XRRA1: variants seen among roughly 807,000 people sequenced by gnomAD.
XRRA1 encodes the protein X-ray radiation resistance associated 1, also known as X-ray radiation resistance-associated protein 1.
A neutral mutation model predicts 80.2 loss-of-function variants in XRRA1; 69 were observed. The observed-to-expected ratio is 0.86, with a 90% CI of 0.71 to 1.05. The LOEUF is 1.05. Ranked by LOEUF, XRRA1 falls within the 50% of genes least tolerant of loss-of-function variation. The probability of loss-of-function intolerance (pLI) is 0.00; values close to 1 mark genes in which losing one functional copy is unlikely to be tolerated. For synonymous variants in XRRA1, 348 were observed against 389.9 expected (o/e 0.89, Z 1.27); for missense variants, 967 against 976.4 (o/e 0.99, Z 0.13).
chr11:74,851,806 A>G (rs2039932882), intron 13 of XRRA1, among the ~76,000 whole-genome samples, 183 bp downstream of exon 13: 1 of 152,166 alleles, frequency 6.6e-6, no homozygotes, highest in African/African-American at 2.4e-5. Context: ...ATGCCTGCTC[A>G]CAGGGTTACT....
chr11:74,878,677 C>T lies in XRRA1; in HGVS notation c.1004-15656G>A, dbSNP rs1158256214. On this transcript the variant is annotated intron_variant, in intron 10 of 18. Coordinates refer to ENST00000684022, the MANE Select transcript of XRRA1 (RefSeq NM_001378157.1). ...GAAGGGATCCAGTTTCAGCTTTCTA[C>T]ATATGGCTAGCCAGTTTTCCCAGCA... is the stretch of plus-strand genomic sequence containing the variant. 2.0e-5 allele frequency among the ~76,000 whole-genome samples: 3 copies of T among 148,782 alleles called. No homozygotes were observed. In the East Asian group the frequency reaches 6.0e-4, roughly 30 times the overall value.
At chr11:74,914,025 C>A (rs983365450) in intron 8 of XRRA1, among the ~76,000 whole-genome samples, 1 of 152,046 alleles carries the variant, frequency 6.6e-6, no homozygotes, top group African/African-American at 2.4e-5. Flanking sequence ...CACTCTGTCG[C>A]CTGGGGTTGG....
chr11:74,861,352 T>C (rs112132673), intron 11 of XRRA1, among the ~76,000 whole-genome samples: 78 of 152,346 alleles, frequency 5.1e-4, no homozygotes, highest in African/African-American at 1.9e-3. Flanking sequence ...CTCAAATTAC[T>C]GCCTGAGCTG....
intron 8 of XRRA1, chr11:74,913,661 A>C (rs572114215): frequency 1.3e-5 from 2 of 152,076 alleles, no homozygotes; most frequent in South Asian, 4.2e-4. Context: ...GGCCATATCA[A>C]CTCCGGGATC....
chr11:74,919,771 T>C (rs1940076186), intron 8 of XRRA1: 1 of 445,838 alleles, frequency 2.2e-6, no homozygotes, highest in Non-Finnish European at 4.4e-6. Context: ...ACTCTAGATG[T>C]GCACAACTGA....
intron 15 of XRRA1, 98 bp downstream of exon 15, chr11:74,848,017 T>G: frequency 1.8e-6 from 2 of 1,107,462 alleles, no homozygotes; most frequent in Non-Finnish European, 2.5e-6. Context: ...TGCCATGTGC[T>G]TGTTGCTCCC....
chr11:74,909,612 G>A (rs941615712), intron 8 of XRRA1, among the ~76,000 whole-genome samples: 2 of 152,106 alleles, frequency 1.3e-5, no homozygotes. Context: ...GCCATCAGAT[G>A]GGTGAGAAGA....
In XRRA1 at chr11:74,845,207, T is replaced by C. The variant is rs1173598021; in HGVS notation, c.1793A>G (p.Lys598Arg). 1 of 1,614,040 alleles carries C rather than the reference T, an allele frequency of 6.2e-7. No individual in the cohort carries two copies. Among genetic ancestry groups the C allele is most frequent in the Middle Eastern group, 1.6e-4 (1 of 6,062 alleles). The change falls in exon 16 of 19, where the codon AAG becomes AGG. Residue 598 changes from lysine to arginine, a missense_variant. Lys to Arg is a conservative substitution (Grantham distance 26). Transcript: ENST00000684022. ...CTCTCTGGGTGCCGTTGGTGGTTTC[T>C]TTTGGTCTTTCTCCTTTAACTCTAA... Reference protein sequence around the residue: ...DDLELKEKDQKKPPTAPREVK... With the variant: ...DDLELKEKDQRKPPTAPREVK...
At position 74,844,020 on chromosome 11, in the gene XRRA1, A is replaced by G. The variant is rs563629867; in HGVS notation, c.2044-61T>C. On this transcript the variant is annotated intron_variant, in intron 17 of 18. Coordinates refer to ENST00000684022, the MANE Select transcript of XRRA1 (RefSeq NM_001378157.1). Reference sequence around the variant, plus strand: ...GTTTATGCACAGACTTCCCTGGCCTAACTTCATACAGTCACAGCAACAGGC... The same window carrying G: ...GTTTATGCACAGACTTCCCTGGCCTGACTTCATACAGTCACAGCAACAGGC... The G allele has an allele frequency of 5.9e-6, 9 of 1,520,006 alleles. No individual in the cohort carries two copies. The East Asian group carries it at 1.1e-4, about 19-fold the overall frequency. 94.2% of individuals were successfully genotyped at this position (1,520,006 alleles called of 1,614,324 possible).
intron 12 of XRRA1, among the ~76,000 whole-genome samples, chr11:74,854,870 AAAC>A (rs200157502): frequency 0.021 from 3,144 of 152,024 alleles, 128 homozygotes; most frequent in African/African-American, 0.072. Context: ...AAAAAATACA[AAAC>A]AACAACAACA....
chr11:74,855,611 TAAG>T (rs1421685241), intron 12 of XRRA1, among the ~76,000 whole-genome samples: 1 of 152,180 alleles, frequency 6.6e-6, no homozygotes, highest in Non-Finnish European at 1.5e-5. Context: ...CTCATTGGAT[TAAG>T]GAGAGTGTAA....
chr11:74,863,085 G>A, intron 10 of XRRA1, 64 bp from the exon 11 acceptor site: 2 of 1,461,558 alleles, frequency 1.4e-6, no homozygotes, highest in Non-Finnish European at 1.9e-6. Context: ...AGAGCACCCA[G>A]GATATAGGTC....
chr11:74,906,820 C>A, intron 9 of XRRA1: 1 of 389,736 alleles, frequency 2.6e-6, no homozygotes, highest in Non-Finnish European at 4.6e-6. Context: ...TTAAATTTCT[C>A]TTTCTGATTC....
chr11:74,843,802 C>T (rs1331934383), intron 18 of XRRA1, 52 bp downstream of exon 18: 3 of 1,502,324 alleles, frequency 2.0e-6, no homozygotes, highest in Non-Finnish European at 2.7e-6. Context: ...TTGCCTTTAG[C>T]CAGCAGGCGT....
intron 8 of XRRA1, chr11:74,919,581 G>A (rs1165348098): frequency 1.8e-5 from 9 of 493,662 alleles, no homozygotes; most frequent in South Asian, 1.2e-4. Flanking sequence ...GCCGGGACCC[G>A]GCAGAATGGC....
chr11:74,858,868 G>A (rs1481577761), intron 12 of XRRA1, among the ~76,000 whole-genome samples: 2 of 152,150 alleles, frequency 1.3e-5, no homozygotes, highest in African/African-American at 4.8e-5. Context: ...CTTCCTTATA[G>A]GTGATAAGTT....
intron 10 of XRRA1, among the ~76,000 whole-genome samples, chr11:74,886,163 G>T (rs2048970369): frequency 6.6e-6 from 1 of 152,132 alleles, no homozygotes; most frequent in African/African-American, 2.4e-5. Flanking sequence ...AAGACAGGAT[G>T]CCCACTCTCA....
At position 74,841,873 on chromosome 11, in the gene XRRA1, C is replaced by T. The variant is rs1373058244; in HGVS notation, c.*1327G>A. On this transcript the variant is annotated 3_prime_UTR_variant, in exon 19 of 19. Coordinates refer to ENST00000684022, the MANE Select transcript of XRRA1 (RefSeq NM_001378157.1). ...CCACCACCCTCCAAAGCTGTGCCAC[C>T]AATGAGAGCATTGGGTTCAAGTTTG... The T allele has an allele frequency of 1.3e-5, 2 of 152,242 alleles. No homozygotes were observed. The highest frequency in any genetic ancestry group is 3.8e-4 in the East Asian group (2 of 5,198). The allele number at this position is 152,242 out of a possible 1,614,324, so 9.4% of individuals were successfully genotyped here.
chr11:74,943,353 T>A (rs2140004370), intron 2 of XRRA1, among the ~76,000 whole-genome samples: 2 of 152,344 alleles, frequency 1.3e-5, no homozygotes, highest in Middle Eastern at 3.4e-3. Context: ...ATAGCCCTAA[T>A]CACAACTGCA....
Sources: gnomAD v4.1 joint callset for allele counts (sites outside exome capture counted in the v4.1 genomes callset) on GRCh38, gnomAD v4.1.1 for gene constraint, MANE v1.5 for transcripts, NCBI Gene and HGNC (gene_info 2026-07-23, HGNC 2026-07-21) for gene names.